The following LARS2 variants were observed in gnomAD, a reference collection of about 807,000 sequenced individuals.
LARS2 encodes the protein leucyl-tRNA synthetase 2, mitochondrial.
Under a neutral mutation model 116.6 loss-of-function variants are expected in LARS2, and 81 were observed. The ratio of observed to expected loss-of-function variants is 0.69; its 90% CI spans 0.58 to 0.84. The LOEUF is 0.84. Ranked by LOEUF, LARS2 falls within the 40% of genes least tolerant of loss-of-function variation. LARS2 has a pLI of 0.00. For missense variants in LARS2, 968 were observed against 1,114.5 expected (o/e 0.87, Z 1.87); for synonymous variants, 396 against 407.2 (o/e 0.97, Z 0.33).
At chr3:45,486,071 C>A (rs565818383) in intron 11 of LARS2, among the ~76,000 whole-genome samples, 116 of 152,000 alleles carry the variant, frequency 7.6e-4, no homozygotes, top group African/African-American at 2.7e-3. Context: ...AAGACTTGTA[C>A]ATATGATACG....
intron 15 of LARS2, among the ~76,000 whole-genome samples, chr3:45,502,572 A>T (rs911630157): frequency 5.3e-5 from 8 of 151,990 alleles, no homozygotes; most frequent in African/African-American, 7.2e-5. Flanking sequence ...CAGCACGCCC[A>T]GCTAATTTTT....
chr3:45,508,048 G>A (rs1000638272), intron 15 of LARS2, among the ~76,000 whole-genome samples: 2 of 152,002 alleles, frequency 1.3e-5, no homozygotes, highest in Non-Finnish European at 2.9e-5. Flanking sequence ...AGATCAGGAA[G>A]CCTTTTCTCT....
At chr3:45,478,316 A>G (rs563876280) in intron 10 of LARS2, among the ~76,000 whole-genome samples, 1 of 152,344 alleles carries the variant, frequency 6.6e-6, no homozygotes, top group South Asian at 2.1e-4. Flanking sequence ...AATATCTAAA[A>G]TTGAAAAACT....
chr3:45,531,241 T>TA (rs201711221), intron 20 of LARS2, among the ~76,000 whole-genome samples: 6,833 of 152,216 alleles, frequency 0.045, 149 homozygotes, highest in Middle Eastern at 0.075. Flanking sequence ...TGTAGACTGA[T>TA]AAAAAACTAT....
intron 17 of LARS2, 31 bp downstream of exon 17, chr3:45,516,307 C>T: frequency 6.3e-7 from 1 of 1,594,666 alleles, no homozygotes; most frequent in African/African-American, 1.3e-5. Flanking sequence ...TGACTTGCTT[C>T]CTTTGTGATC....
chr3:45,446,747 C>G, intron 6 of LARS2, 144 bp from the exon 7 acceptor site: 1 of 563,580 alleles, frequency 1.8e-6, no homozygotes, highest in East Asian at 3.0e-5. Context: ...ACTCTCCTTA[C>G]TTTACAAACT....
chr3:45,477,965 C>G (rs1699641805), intron 10 of LARS2, among the ~76,000 whole-genome samples: 1 of 152,194 alleles, frequency 6.6e-6, no homozygotes, highest in Non-Finnish European at 1.5e-5. Context: ...TGCATGCACT[C>G]TTGGTGGGGC....
chr3:45,496,629 G>C (rs1025228953), intron 14 of LARS2, among the ~76,000 whole-genome samples: 1 of 152,218 alleles, frequency 6.6e-6, no homozygotes, highest in Non-Finnish European at 1.5e-5. Context: ...AGAAAGCCTC[G>C]ACCTGGCCAG....
intron 19 of LARS2, among the ~76,000 whole-genome samples, chr3:45,522,917 T>TA (rs1327455669): frequency 6.6e-6 from 1 of 151,826 alleles, no homozygotes; most frequent in Admixed American, 6.6e-5. Flanking sequence ...TTTTTAAAAT[T>TA]AAAAAAAAGG....
chr3:45,518,109 A>T (rs767893036), intron 18 of LARS2, 37 bp downstream of exon 18: 17 of 1,549,854 alleles, frequency 1.1e-5, no homozygotes, highest in African/African-American at 2.8e-5. Context: ...TAACTCTGTA[A>T]CCAAGCACTC....
chr3:45,501,487 G>A (rs185073063), intron 15 of LARS2, among the ~76,000 whole-genome samples: 4 of 152,178 alleles, frequency 2.6e-5, no homozygotes, highest in East Asian at 1.9e-4. Flanking sequence ...CAGTGCTGAC[G>A]GATGAAGTTA....
At chr3:45,481,903 T>G (rs1699709667) in intron 10 of LARS2, among the ~76,000 whole-genome samples, 4 of 152,200 alleles carry the variant, frequency 2.6e-5, no homozygotes, top group Admixed American at 2.6e-4. Context: ...GTGTTATATC[T>G]AAAACGCTAT....
intron 1 of LARS2, chr3:45,389,049 G>A (rs1697893719): frequency 6.6e-6 from 1 of 152,174 alleles, no homozygotes; most frequent in Admixed American, 6.5e-5. Flanking sequence ...TTCACGTTAG[G>A]GCTCGGAGGT....
intron 10 of LARS2, among the ~76,000 whole-genome samples, chr3:45,484,781 T>C (rs1190694205): frequency 6.6e-6 from 1 of 150,790 alleles, no homozygotes; most frequent in African/African-American, 2.4e-5. Context: ...ATTGTTCAAC[T>C]GAGCCAAATA....
At chr3:45,525,621 T>A (rs750898138) in intron 20 of LARS2, among the ~76,000 whole-genome samples, 6 of 152,240 alleles carry the variant, frequency 3.9e-5, no homozygotes, top group Non-Finnish European at 7.3e-5. Context: ...CCCTACTTTA[T>A]ATGCTTTAAG....
intron 4 of LARS2, among the ~76,000 whole-genome samples, chr3:45,407,705 G>T (rs1482396084): frequency 1.3e-5 from 2 of 152,176 alleles, no homozygotes; most frequent in Admixed American, 6.5e-5. Context: ...AGTAACCATG[G>T]TTGCTCTCAA....
At chr3:45,543,462 T>A (rs938950685) in intron 21 of LARS2, among the ~76,000 whole-genome samples, 1 of 149,118 alleles carries the variant, frequency 6.7e-6, no homozygotes, top group African/African-American at 2.5e-5. Context: ...TTTTTTTTTT[T>A]ATTTTTTTAT....
Position 45,483,202 on chromosome 3 carries a change from A to G in LARS2, c.1019-2490A>G, listed in dbSNP as rs1002110714. Among the ~76,000 whole-genome samples, 11 of 152,328 alleles carry G rather than the reference A, an allele frequency of 7.2e-5. No homozygotes were observed. In the East Asian group the frequency reaches 1.5e-3, roughly 21 times the overall value. On this transcript the variant is annotated intron_variant, in intron 10 of 21. Transcript: ENST00000645846. ...GACATCCCTATCTGTATGTCTGTCC[A>G]TGTGCCGTATATGCCTATACTGCTG...
chr3:45,522,497 A>G lies in LARS2; in HGVS notation c.2293-1500A>G, dbSNP rs181218273. On this transcript the variant is annotated intron_variant, in intron 19 of 21. Transcript: ENST00000645846. ...TGTAATCCCAGCACTGCGGGAGGTC[A>G]AGGCAGATAGATCGCTTGAGGTCAG... 3.4e-3 allele frequency among the ~76,000 whole-genome samples: 515 copies of G among 152,354 alleles called. 1 individual carries two copies. The highest frequency in any genetic ancestry group is 6.1e-3 in the Non-Finnish European group (418 of 68,034).
Sources: allele counts gnomAD v4.1 joint callset (sites outside exome capture counted in the v4.1 genomes callset), GRCh38; gene constraint gnomAD v4.1.1; transcripts MANE v1.5; gene names NCBI Gene and HGNC (gene_info 2026-07-23, HGNC 2026-07-21).